KIAA1671: variants seen among roughly 807,000 people sequenced by gnomAD.
KIAA1671 encodes uncharacterized protein KIAA1671.
In KIAA1671, 52 loss-of-function variants were observed where a neutral mutation model predicts 131.2. That is an observed-to-expected ratio of 0.40 (90% CI 0.32 to 0.50). The LOEUF is 0.50. KIAA1671 is among the 20% of genes least tolerant of loss of function. The pLI is 0.73. For missense variants in KIAA1671, 2,360 were observed against 2,364.2 expected (o/e 1.00, Z 0.04); for synonymous variants, 1,003 against 961.6 (o/e 1.04, Z -0.80).
Position 25,163,331 on chromosome 22 carries a change from ATTTTTTTTTTTTTTTT to A in KIAA1671, c.4531-7471_4531-7456del, listed in dbSNP as rs132895. Reference sequence around the variant, plus strand: ...GTGATAGAGTGAGACATTGCCTCAAATTTTTTTTTTTTTTTTTTTTTTTTTTTTTTTTTACATTTTC... The same window carrying A: ...GTGATAGAGTGAGACATTGCCTCAAATTTTTTTTTTTTTTTTTACATTTTC... On this transcript the variant is annotated intron_variant, in intron 6 of 12. Coordinates refer to ENST00000358431, the MANE Select transcript of KIAA1671 (RefSeq NM_001145206.2). Among the ~76,000 whole-genome samples the A allele has an allele frequency of 1.4e-4, 8 of 55,554 alleles. 1 individual carries two copies. The highest frequency in any genetic ancestry group is 8.1e-4 in the East Asian group (1 of 1,230). 36.4% of individuals were successfully genotyped at this position (55,554 alleles called of 152,430 possible). A position where few individuals can be genotyped will look rare whatever the true frequency, so the allele number is the denominator to read the frequency against.
chr22:25,117,499 G>C (rs1931724225), intron 6 of KIAA1671, among the ~76,000 whole-genome samples: 1 of 151,888 alleles, frequency 6.6e-6, no homozygotes, highest in South Asian at 2.1e-4. Context: ...TCCAGCCCAA[G>C]GCCGAGTGGG....
intron 1 of KIAA1671, among the ~76,000 whole-genome samples, chr22:24,955,697 G>A (rs1464692130): frequency 1.3e-5 from 2 of 152,170 alleles, no homozygotes; most frequent in East Asian, 1.9e-4. Flanking sequence ...GGTCATGCCA[G>A]GAGGCTGGGG....
intron 1 of KIAA1671, among the ~76,000 whole-genome samples, chr22:24,975,318 T>C (rs933529653): frequency 3.3e-5 from 5 of 152,118 alleles, no homozygotes; most frequent in Admixed American, 6.6e-5. Context: ...TTCTTTTTTT[T>C]TTTTTCAGTT....
chr22:25,133,280 G>T (rs951862404), intron 6 of KIAA1671, among the ~76,000 whole-genome samples: 1 of 152,142 alleles, frequency 6.6e-6, no homozygotes, highest in South Asian at 2.1e-4. Flanking sequence ...TACACTGAAC[G>T]TACACACCAA....
intron 6 of KIAA1671, among the ~76,000 whole-genome samples, chr22:25,069,723 T>A (rs1602114911): frequency 6.6e-6 from 1 of 152,110 alleles, no homozygotes; most frequent in East Asian, 1.9e-4. Context: ...ATGACTGACA[T>A]CAAAGGAGCC....
chr22:25,064,607 C>G (rs962841068), intron 6 of KIAA1671: 7 of 152,204 alleles, frequency 4.6e-5, no homozygotes, highest in Non-Finnish European at 7.3e-5. Context: ...CTCCCTAGTC[C>G]TCAGTTTCCC....
chr22:25,020,554 G>A (rs1281777129), intron 1 of KIAA1671, among the ~76,000 whole-genome samples: 18 of 152,122 alleles, frequency 1.2e-4, no homozygotes, highest in Non-Finnish European at 4.4e-5. Flanking sequence ...TTCTTGCTAG[G>A]AGCTCACAGT....
chr22:25,047,161 T>C (rs1468930449), intron 5 of KIAA1671, among the ~76,000 whole-genome samples: 22 of 149,734 alleles, frequency 1.5e-4, no homozygotes, highest in Admixed American at 1.3e-3. Flanking sequence ...CTTTTTTTTT[T>C]TTTTTTTGAG....
chr22:25,181,767 G>T lies in KIAA1671; in HGVS notation c.5143G>T (p.Val1715Phe). 6.4e-7 allele frequency: 1 copy of T among 1,551,580 alleles called. No homozygotes were observed. Reference sequence around the variant, plus strand: ...GGCATCCAAAGCTGAGAGGACCCCTGTCAGCCATCCTCAGAGGATGCCTGC... The same window carrying T: ...GGCATCCAAAGCTGAGAGGACCCCTTTCAGCCATCCTCAGAGGATGCCTGC... ...ETASKAERTP[V>F]SHPQRMPAFP... The change falls in exon 10 of 13, where the codon GTC (valine) becomes TTC (phenylalanine). Residue 1715 changes from valine (V) to phenylalanine (F), a missense_variant. Val to Phe is a conservative substitution (Grantham distance 50). This residue lies in a region of KIAA1671 where 1,161 missense variants were observed against 1,204.7 expected (regional missense o/e 0.96). Transcript: ENST00000358431.
At chr22:25,154,119 G>A (rs147367304) in intron 6 of KIAA1671, among the ~76,000 whole-genome samples, 4 of 152,344 alleles carry the variant, frequency 2.6e-5, no homozygotes, top group Middle Eastern at 3.4e-3. Context: ...GTTTCCCTAC[G>A]TGCCCGAAAG....
At chr22:25,068,456 A>G (rs1452026827) in intron 6 of KIAA1671, among the ~76,000 whole-genome samples, 1 of 150,024 alleles carries the variant, frequency 6.7e-6, no homozygotes, top group Non-Finnish European at 1.5e-5. Flanking sequence ...TTTTTTTTTG[A>G]GACAGAGCCT....
At chr22:25,007,330 A>G (rs1450989098) in intron 1 of KIAA1671, among the ~76,000 whole-genome samples, 1 of 152,022 alleles carries the variant, frequency 6.6e-6, no homozygotes, top group African/African-American at 2.4e-5. Flanking sequence ...TACTAAAAAT[A>G]TAAAAATTAG....
chr22:24,953,322 G>A (rs1921509889), intron 1 of KIAA1671, among the ~76,000 whole-genome samples: 1 of 152,114 alleles, frequency 6.6e-6, no homozygotes, highest in Non-Finnish European at 1.5e-5. Flanking sequence ...ACATTTGTGC[G>A]GGTTGGAGGC....
chr22:25,110,280 A>G (rs1404587526), intron 6 of KIAA1671, among the ~76,000 whole-genome samples: 1 of 152,210 alleles, frequency 6.6e-6, no homozygotes, highest in Non-Finnish European at 1.5e-5. Flanking sequence ...TGTCTAGAAA[A>G]CAAATATTTG....
At chr22:25,150,141 A>G (rs1175160086) in intron 6 of KIAA1671, among the ~76,000 whole-genome samples, 1 of 152,252 alleles carries the variant, frequency 6.6e-6, no homozygotes, top group Non-Finnish European at 1.5e-5. Context: ...CTGAGCGAGC[A>G]CCAGACAACC....
chr22:25,139,774 G>A (rs944095135), intron 6 of KIAA1671, among the ~76,000 whole-genome samples: 1 of 152,200 alleles, frequency 6.6e-6, no homozygotes, highest in Non-Finnish European at 1.5e-5. Context: ...TTTGAGGAGG[G>A]AACATAGAAG....
chr22:25,072,648 G>A (rs1034380049), intron 6 of KIAA1671, among the ~76,000 whole-genome samples: 19 of 152,170 alleles, frequency 1.2e-4, no homozygotes, highest in African/African-American at 4.3e-4. Context: ...TGGATTCTGA[G>A]GAAGCCCCGT....
In KIAA1671 at chr22:25,174,373, C is replaced by T. The variant is rs566480975; in HGVS notation, c.4783C>T (p.Arg1595Trp). Reference sequence around the variant, plus strand: ...CCAGTATGACTGCTCCAGGGACCAGCGGAGCACCAGCGTGGACCACTCCAG... The same window carrying T: ...CCAGTATGACTGCTCCAGGGACCAGTGGAGCACCAGCGTGGACCACTCCAG... Reference protein sequence around the residue: ...GDQYDCSRDQRSTSVDHSSTD... With the variant: ...GDQYDCSRDQWSTSVDHSSTD... The change falls in exon 8 of 13, where the codon CGG becomes TGG. Residue 1595 changes from arginine to tryptophan, a missense_variant. Around this residue, in one of 3 missense-constraint regions of KIAA1671, gnomAD observed 1,161 missense variants for 1,204.7 expected, o/e 0.96. Transcript: ENST00000358431. 13 of 1,552,028 alleles carry T rather than the reference C, an allele frequency of 8.4e-6. No individual in the cohort carries two copies. Among genetic ancestry groups the T allele is most frequent in the Middle Eastern group, 1.7e-4 (1 of 5,996 alleles).
chr22:25,002,789 T>C (rs563992129), intron 1 of KIAA1671, among the ~76,000 whole-genome samples: 2 of 152,226 alleles, frequency 1.3e-5, no homozygotes, highest in African/African-American at 2.4e-5. Context: ...CGTGGCTTTT[T>C]TTTTTTTAAA....
Sources: allele counts gnomAD v4.1 joint callset (sites outside exome capture counted in the v4.1 genomes callset), GRCh38; gene constraint gnomAD v4.1.1; regional missense constraint gnomAD v4.1.1; transcripts MANE v1.5; gene names NCBI Gene and HGNC (gene_info 2026-07-23, HGNC 2026-07-21).